Variants in TGFB1 observed in about 807,000 individuals in gnomAD.
The protein encoded by TGFB1 is transforming growth factor beta-1 proprotein.
In TGFB1, 19 loss-of-function variants were observed where a neutral mutation model predicts 43.8. That is an observed-to-expected ratio of 0.43 (90% CI 0.30 to 0.64). The LOEUF (loss-of-function observed/expected upper bound fraction) is 0.64. TGFB1 is among the 30% of genes least tolerant of loss of function. The pLI is 0.11. For synonymous variants in TGFB1, 221 were observed against 236.3 expected (o/e 0.94, Z 0.60); for missense variants, 445 against 529.8 (o/e 0.84, Z 1.57).
chr19:41,337,139 A>T (rs1029569282), intron 5 of TGFB1, among the ~76,000 whole-genome samples: 1 of 151,072 alleles, frequency 6.6e-6, no homozygotes, highest in Non-Finnish European at 1.5e-5. Context: ...TGTATTTTTA[A>T]TTATTTATTT....
Position 41,344,794 on chromosome 19 carries a change from A to G in TGFB1, c.587T>C (p.Leu196Ser). 1.9e-6 allele frequency: 3 copies of G among 1,613,838 alleles called. No individual in the cohort carries two copies. The highest frequency in any genetic ancestry group is 2.5e-6 in the Non-Finnish European group (3 of 1,179,908). The change falls in exon 3 of 7, where the codon TTA (leucine) becomes TCA (serine). Residue 196 changes from leucine to serine, a missense_variant. Leu to Ser is a moderately radical substitution (Grantham distance 145). Around this residue, in one of 3 missense-constraint regions of TGFB1, gnomAD observed 366 missense variants for 428.8 expected, o/e 0.85. Coordinates refer to ENST00000221930, the MANE Select transcript of TGFB1 (RefSeq NM_000660.7). ...LLAPSDSPEW[L>S]SFDVTGVVRQ... ...CACAACTCCGGTGACATCAAAAGAT[A>G]ACCACTCTGGCGAGTCGCTGGGTGC...
intron 3 of TGFB1, among the ~76,000 whole-genome samples, chr19:41,343,978 A>ATTT (rs1168777114): frequency 9.5e-6 from 1 of 105,144 alleles, no homozygotes; most frequent in African/African-American, 4.1e-5. Context: ...TTTGCCTGGA[A>ATTT]TCTTTTTTTT....
At position 41,353,857 on chromosome 19, in the gene TGFB1, C is replaced by T. The variant is rs1172164388; in HGVS notation, c.-813G>A. 6.2e-6 allele frequency: 1 copy of T among 160,868 alleles called. No individual in the cohort carries two copies. Among genetic ancestry groups the T allele is most frequent in the Non-Finnish European group, 1.4e-5 (1 of 74,032 alleles). 10.0% of individuals were successfully genotyped at this position (160,868 alleles called of 1,614,324 possible). ...CCCCTGCCCCCGGCCGGGGCCCTCG[C>T]TGTCTGGCTGCTCCGCGGAGGGAGG... is the stretch of plus-strand genomic sequence containing the variant. On this transcript the variant is annotated 5_prime_UTR_variant, in exon 1 of 7. Transcript: ENST00000221930. This position sits in a 1 kb window ranked among gnomAD's most constrained non-coding sequence, Gnocchi z 5.9.
chr19:41,341,466 CA>C (rs770264069), intron 5 of TGFB1, among the ~76,000 whole-genome samples: 143 of 35,558 alleles, frequency 4.0e-3, no homozygotes, highest in African/African-American at 0.013. Flanking sequence ...GACTCTGTCT[CA>C]AAAAAAAAAA....
At chr19:41,350,967 G>C (rs2038183929) in intron 1 of TGFB1, 1 of 152,568 alleles carries the variant, frequency 6.6e-6, no homozygotes, top group Non-Finnish European at 1.5e-5. Context: ...TGTCAGAGAC[G>C]GAGACGAGGC....
chr19:41,337,204 C>T (rs962503630), intron 5 of TGFB1, among the ~76,000 whole-genome samples: 5 of 152,004 alleles, frequency 3.3e-5, no homozygotes, highest in South Asian at 2.1e-4. Context: ...TGCAATGGCG[C>T]GACCTCGGCT....
At chr19:41,340,763 A>T (rs1411206787) in intron 5 of TGFB1, among the ~76,000 whole-genome samples, 1 of 152,124 alleles carries the variant, frequency 6.6e-6, no homozygotes, top group Non-Finnish European at 1.5e-5. Flanking sequence ...ATCTGCCAAC[A>T]CTGGTATCCA....
Position 41,331,178 on chromosome 19 carries a change from G to T in TGFB1, c.1047C>A (p.Gly349=), listed in dbSNP as rs368054278. The stretch of plus-strand genomic sequence containing the variant: ...GCACGCAGCACGGCGCCGCCGAGGC[G>T]CCCGGGTTATGCTGGTTGTACAGGG... ...VLALYNQHNP[G]ASAAPCCVPQ... The change falls in exon 7 of 7, where the codon GGC becomes GGA. Residue 349 remains glycine (G), a synonymous_variant. Transcript: ENST00000221930. The T allele has an allele frequency of 4.6e-5, 71 of 1,548,346 alleles. No individual in the cohort carries two copies. In the African/African-American group the frequency reaches 7.6e-4, roughly 17 times the overall value.
intron 2 of TGFB1, 124 bp downstream of exon 2, chr19:41,348,170 GT>G: frequency 9.4e-7 from 1 of 1,068,042 alleles, no homozygotes; most frequent in South Asian, 1.3e-5. Flanking sequence ...TATGGTTTGT[GT>G]TCTTCTATCC....
chr19:41,338,786 C>G (rs1388031153), intron 5 of TGFB1, among the ~76,000 whole-genome samples: 3 of 151,620 alleles, frequency 2.0e-5, no homozygotes, highest in Admixed American at 1.3e-4. Context: ...CTGCAGTGAG[C>G]CGAGACCGCA....
rs1764832615 is a variant in TGFB1, at chr19:41,348,348, G to A, written c.463C>T (p.Leu155=). Residue 155 remains leucine (L), a synonymous_variant, in exon 2 of 7, where the codon CTG becomes TTG. Transcript: ENST00000221930. The stretch of plus-strand genomic sequence containing the variant: ...TTTAACTTGAGCCTCAGCAGACGCA[G>A]CTCTGCCCGGGAGAGCAACACGGGT... The part of the protein sequence containing the change: ...PEPVLLSRAE[L]RLLRLKLKVE... 6.2e-7 allele frequency: 1 copy of A among 1,613,612 alleles called. No individual in the cohort carries two copies. The highest frequency in any genetic ancestry group is 8.5e-7 in the Non-Finnish European group (1 of 1,179,832).
chr19:41,349,702 T>A (rs892944302), intron 1 of TGFB1, among the ~76,000 whole-genome samples: 6 of 151,978 alleles, frequency 3.9e-5, no homozygotes, highest in South Asian at 4.2e-4. Flanking sequence ...GGTTATAGTG[T>A]GCCGAGATTG....
At chr19:41,335,811 G>A (rs1265876139) in intron 5 of TGFB1, among the ~76,000 whole-genome samples, 1 of 152,064 alleles carries the variant, frequency 6.6e-6, no homozygotes, top group Non-Finnish European at 1.5e-5. Flanking sequence ...GGAGCATAGT[G>A]AGACCCTGTC....
rs368054278 is a variant in TGFB1 at position 41,331,178 on chromosome 19, G to A, written c.1047C>T (p.Gly349=). Residue 349 remains glycine (G), a synonymous_variant, in exon 7 of 7, where the codon GGC becomes GGT. Coordinates refer to ENST00000221930, the MANE Select transcript of TGFB1 (RefSeq NM_000660.7). ...VLALYNQHNP[G]ASAAPCCVPQ... ...GCACGCAGCACGGCGCCGCCGAGGC[G>A]CCCGGGTTATGCTGGTTGTACAGGG... is the stretch of plus-strand genomic sequence containing the variant. The A allele has an allele frequency of 3.2e-6, 5 of 1,548,228 alleles. No individual in the cohort carries two copies. Among genetic ancestry groups the A allele is most frequent in the Non-Finnish European group, 4.4e-6 (5 of 1,149,162 alleles).
In TGFB1 at chr19:41,352,801, T is replaced by G; in HGVS notation, c.244A>C (p.Asn82His). ...CCGGCCACCCGGTCGCGGGTGCTGT[T>G]GTACAGGGCGAGCACGGCCTCGGGC... is the stretch of plus-strand genomic sequence containing the variant. ...PLPEAVLALYNSTRDRVAGES... is the reference protein window; with the variant it reads ...PLPEAVLALYHSTRDRVAGES... The change falls in exon 1 of 7, where the codon AAC becomes CAC. Residue 82 changes from asparagine (N) to histidine (H), a missense_variant. By Grantham distance (68) the Asn-to-His change is moderately conservative. Coordinates refer to ENST00000221930, the MANE Select transcript of TGFB1 (RefSeq NM_000660.7). The G allele has an allele frequency of 6.2e-7, 1 of 1,608,550 alleles. No homozygotes were observed. The highest frequency in any genetic ancestry group is 8.5e-7 in the Non-Finnish European group (1 of 1,177,250).
rs6508976 is a variant in TGFB1, at chr19:41,348,769, T to G, written c.356-314A>C. On this transcript the variant is annotated intron_variant, in intron 1 of 6. Transcript: ENST00000221930. ...CTCCCGAGCAGCTGGGACTAAAGGC[T>G]CATGCCACCATGCCCAGCTAATTTT... 0.56 allele frequency among the ~76,000 whole-genome samples: 84,613 copies of G among 151,322 alleles called. 24,930 individuals are homozygous for G. The highest frequency in any genetic ancestry group is 0.75 in the African/African-American group (30,853 of 41,296).
At chr19:41,336,774 T>G (rs1025040258) in intron 5 of TGFB1, among the ~76,000 whole-genome samples, 1 of 152,156 alleles carries the variant, frequency 6.6e-6, no homozygotes, top group Non-Finnish European at 1.5e-5. Context: ...TTAAGACTAC[T>G]TTAAAACACA....
intron 1 of TGFB1, 84 bp downstream of exon 1, chr19:41,352,606 G>T: frequency 6.7e-7 from 1 of 1,502,068 alleles, no homozygotes. Context: ...AGTTTCTTCT[G>T]CCAGTCACTT....
intron 5 of TGFB1, among the ~76,000 whole-genome samples, chr19:41,338,325 C>T (rs2038012635): frequency 6.6e-6 from 1 of 151,518 alleles, no homozygotes; most frequent in Non-Finnish European, 1.5e-5. Flanking sequence ...GAAACCCCAC[C>T]TCTACTAAAA....
Sources: gnomAD v4.1 joint callset for allele counts (sites outside exome capture counted in the v4.1 genomes callset) on GRCh38, gnomAD v4.1.1 for gene constraint, gnomAD v4.1.1 regional missense constraint, Gnocchi (gnomAD v3.1) non-coding constraint, MANE v1.5 for transcripts, NCBI Gene and HGNC (gene_info 2026-07-23, HGNC 2026-07-21) for gene names.